The following KCNMA1 variants were observed in gnomAD, a reference collection of about 807,000 sequenced individuals.
KCNMA1 encodes potassium calcium-activated channel subfamily M alpha 1, also known as Calcium-activated potassium channel subunit alpha-1.
KCNMA1 carries 29 observed loss-of-function variants against 140.0 expected under a neutral mutation model. That is an observed-to-expected ratio of 0.21 (90% CI 0.15 to 0.28). KCNMA1 has a LOEUF of 0.28. Among genes scored for constraint, KCNMA1 ranks in the 10% least tolerant of loss-of-function variants. The pLI is 1.00. For synonymous variants in KCNMA1, 612 were observed against 611.9 expected, an observed-to-expected ratio of 1.00 and a Z score of 0.00; for missense variants, 880 against 1,602.2, an observed-to-expected ratio of 0.55 and a Z score of 7.70.
intron 3 of KCNMA1, among the ~76,000 whole-genome samples, chr10:77,217,331 A>T (rs1489388799): frequency 2.0e-5 from 3 of 152,072 alleles, no homozygotes; most frequent in African/African-American, 7.2e-5. Context: ...CAAACAAAAA[A>T]AAACTAAATT....
chr10:77,338,496 C>T (rs576851852), intron 2 of KCNMA1, among the ~76,000 whole-genome samples: 1 of 152,316 alleles, frequency 6.6e-6, no homozygotes, highest in African/African-American at 2.4e-5. Flanking sequence ...GACCCTAAGC[C>T]TCTGCTCCTG....
intron 2 of KCNMA1, among the ~76,000 whole-genome samples, chr10:77,352,453 C>T (rs1451375740): frequency 3.3e-5 from 5 of 152,156 alleles, no homozygotes; most frequent in African/African-American, 1.2e-4. Context: ...TCTGTGCTGC[C>T]CAATATGGTA....
At chr10:76,909,919 G>A in intron 25 of KCNMA1, 47 bp downstream of exon 25, 1 of 1,600,798 alleles carries the variant, frequency 6.2e-7, no homozygotes, top group Non-Finnish European at 8.5e-7. Flanking sequence ...TGCTCTATTG[G>A]CACATCCTCC....
intron 2 of KCNMA1, among the ~76,000 whole-genome samples, chr10:77,259,626 T>C (rs1018486087): frequency 1.3e-5 from 2 of 152,156 alleles, no homozygotes; most frequent in African/African-American, 4.8e-5. Flanking sequence ...TCATTCTCCA[T>C]TTGCCTCCTC....
intron 1 of KCNMA1, among the ~76,000 whole-genome samples, chr10:77,408,194 C>A (rs548877413): frequency 6.6e-6 from 1 of 152,168 alleles, no homozygotes; most frequent in African/African-American, 2.4e-5. Flanking sequence ...CCCAGCATTC[C>A]GTTCTTGCTC....
At chr10:77,529,791 G>A (rs1603633249) in intron 1 of KCNMA1, among the ~76,000 whole-genome samples, 2 of 152,020 alleles carry the variant, frequency 1.3e-5, no homozygotes, top group East Asian at 3.9e-4. Context: ...CCCCCACGTG[G>A]GCCTTTGTCA....
Position 76,970,011 on chromosome 10 carries a change from T to G in KCNMA1, c.2323A>C (p.Met775Leu), listed in dbSNP as rs201616813. The G allele has an allele frequency of 5.6e-6, 9 of 1,613,824 alleles. No individual in the cohort carries two copies. The highest frequency in any genetic ancestry group is 7.6e-6 in the Non-Finnish European group (9 of 1,179,974). Residue 775 changes from methionine (M) to leucine (L), a missense_variant, in exon 20 of 28, where the codon ATG (methionine) becomes CTG (leucine). By Grantham distance (15) the Met-to-Leu change is conservative. This residue lies in a region of KCNMA1 where 196 missense variants were observed against 233.0 expected (regional missense o/e 0.84). Transcript: ENST00000286628. ...GGCGAGGTGTTGGGTGAGTTCCGCA[T>G]GCCTCCATTCCGTTGCTTTTTTTTT... is the stretch of plus-strand genomic sequence containing the variant. Reference protein sequence around the residue: ...SPKKKQRNGGMRNSPNTSPKL... With the variant: ...SPKKKQRNGGLRNSPNTSPKL...
At chr10:77,264,402 CA>C (rs2062855570) in intron 2 of KCNMA1, among the ~76,000 whole-genome samples, 1 of 152,184 alleles carries the variant, frequency 6.6e-6, no homozygotes, top group Non-Finnish European at 1.5e-5. Flanking sequence ...TTCAGCCTCA[CA>C]CTTTTGCAAA....
At chr10:77,178,063 T>C (rs1373406796) in intron 5 of KCNMA1, among the ~76,000 whole-genome samples, 1 of 152,226 alleles carries the variant, frequency 6.6e-6, no homozygotes, top group African/African-American at 2.4e-5. Flanking sequence ...GCCCTGTGAT[T>C]GGGCATTAAC....
rs79084678 is a variant in KCNMA1, at chr10:77,019,579, C to T, written c.1929-480G>A. On this transcript the variant is annotated intron_variant, in intron 16 of 27. Coordinates refer to ENST00000286628, the MANE Select transcript of KCNMA1 (RefSeq NM_001161352.2). ...ATCATGTACACACACCACATATTAC[C>T]GCAGGGAATGGTACAAGACACCCGT... 4.8e-3 allele frequency: 795 copies of T among 166,030 alleles called. 7 individuals are homozygous for T. The highest frequency in any genetic ancestry group is 0.018 in the African/African-American group (746 of 41,694). The allele number at this position is 166,030 out of a possible 1,614,324, so 10.3% of individuals were successfully genotyped here. A position where few individuals can be genotyped will look rare whatever the true frequency, so the allele number is the denominator to read the frequency against.
chr10:77,195,952 A>C (rs2040323891), intron 3 of KCNMA1, among the ~76,000 whole-genome samples: 1 of 152,160 alleles, frequency 6.6e-6, no homozygotes, highest in Non-Finnish European at 1.5e-5. Flanking sequence ...GTCTCAAAAA[A>C]AGAAAAATAA....
At chr10:76,923,646 A>G (rs998405493) in intron 23 of KCNMA1, among the ~76,000 whole-genome samples, 1 of 152,166 alleles carries the variant, frequency 6.6e-6, no homozygotes, top group Non-Finnish European at 1.5e-5. Context: ...TTTCTCCACA[A>G]CATCTCAACT....
At chr10:77,481,546 G>A (rs1223345402) in intron 1 of KCNMA1, among the ~76,000 whole-genome samples, 1 of 151,918 alleles carries the variant, frequency 6.6e-6, no homozygotes, top group Admixed American at 6.6e-5. Flanking sequence ...AGGCCGAGAC[G>A]GGCGGATCAC....
At chr10:77,490,983 G>C (rs2098525119) in intron 1 of KCNMA1, among the ~76,000 whole-genome samples, 1 of 152,104 alleles carries the variant, frequency 6.6e-6, no homozygotes, top group Admixed American at 6.5e-5. Context: ...TAGGAGCCAG[G>C]CCCACATCAG....
intron 9 of KCNMA1, among the ~76,000 whole-genome samples, chr10:77,104,545 C>A (rs1163259092): frequency 1.3e-5 from 2 of 152,178 alleles, no homozygotes; most frequent in Non-Finnish European, 2.9e-5. Flanking sequence ...ATAATCCAAA[C>A]CCATCCCATT....
At chr10:77,276,463 T>C (rs2066708169) in intron 2 of KCNMA1, among the ~76,000 whole-genome samples, 1 of 152,228 alleles carries the variant, frequency 6.6e-6, no homozygotes, top group South Asian at 2.1e-4. Flanking sequence ...TCAGGGGACC[T>C]AATTTTAACC....
exon 30 of KCNMA1, chr10:76,877,774 T>A (rs570365239): frequency 6.4e-7 from 1 of 1,564,506 alleles, no homozygotes; most frequent in African/African-American, 1.4e-5. Context: ...ATTGGTGGAA[T>A]CAAGCTGCTT....
chr10:77,219,921 T>C (rs1259409113), intron 3 of KCNMA1, among the ~76,000 whole-genome samples: 1 of 152,234 alleles, frequency 6.6e-6, no homozygotes, highest in Non-Finnish European at 1.5e-5. Flanking sequence ...CATTGTTTTC[T>C]AAGAACTTAA....
At chr10:77,012,177 TA>T (rs2090946177) in intron 17 of KCNMA1, 134 bp from the exon 18 acceptor site, 5 of 1,544,330 alleles carry the variant, frequency 3.2e-6, no homozygotes, top group East Asian at 2.4e-5. Context: ...TTGAAAGGTT[TA>T]GACATTTGCA....
Sources: allele counts gnomAD v4.1 joint callset (sites outside exome capture counted in the v4.1 genomes callset), GRCh38; gene constraint gnomAD v4.1.1; regional missense constraint gnomAD v4.1.1; transcripts MANE v1.5; gene names NCBI Gene and HGNC (gene_info 2026-07-23, HGNC 2026-07-21).